The following PEX5L variants were observed in gnomAD, a reference collection of about 807,000 sequenced individuals.
PEX5L encodes the protein PEX5-related protein.
PEX5L carries 30 observed loss-of-function variants against 84.0 expected under a neutral mutation model. The ratio of observed to expected loss-of-function variants is 0.36; its 90% CI spans 0.27 to 0.48. The LOEUF (loss-of-function observed/expected upper bound fraction) is 0.48. Among genes scored for constraint, PEX5L ranks in the 20% least tolerant of loss-of-function variants. The pLI is 0.99. For synonymous variants in PEX5L, 270 were observed against 283.1 expected, an observed-to-expected ratio of 0.95 and a Z score of 0.46; for missense variants, 533 against 754.6, an observed-to-expected ratio of 0.71 and a Z score of 3.44.
At chr3:179,997,705 C>A (rs1788021360) in intron 1 of PEX5L, among the ~76,000 whole-genome samples, 1 of 152,208 alleles carries the variant, frequency 6.6e-6, no homozygotes, top group Non-Finnish European at 1.5e-5. Context: ...TAAGCTTAAC[C>A]AAGTGGTGAC....
intron 7 of PEX5L, among the ~76,000 whole-genome samples, chr3:179,866,574 T>C (rs1748239910): frequency 6.6e-6 from 1 of 152,182 alleles, no homozygotes; most frequent in Non-Finnish European, 1.5e-5. Context: ...ATTATCTTTC[T>C]GGTTAGTGCC....
chr3:179,823,527 G>A (rs1199295235), intron 8 of PEX5L, among the ~76,000 whole-genome samples: 2 of 152,104 alleles, frequency 1.3e-5, no homozygotes, highest in African/African-American at 2.4e-5. Flanking sequence ...AGTTTTTAAT[G>A]TACTTTTTAC....
intron 2 of PEX5L, among the ~76,000 whole-genome samples, chr3:179,961,474 G>C (rs1782024310): frequency 6.6e-6 from 1 of 152,094 alleles, no homozygotes; most frequent in Non-Finnish European, 1.5e-5. Flanking sequence ...GTGCTGAGCA[G>C]AGAAGAAAAG....
rs1718178430 is a variant in PEX5L, at chr3:179,799,326, T to C, written c.*2502A>G. The C allele has an allele frequency of 1.3e-5, 2 of 152,188 alleles. No individual in the cohort carries two copies. Among genetic ancestry groups the C allele is most frequent in the Non-Finnish European group, 2.9e-5 (2 of 68,026 alleles). 9.4% of individuals were successfully genotyped at this position (152,188 alleles called of 1,614,324 possible). A position where few individuals can be genotyped will look rare whatever the true frequency, so the allele number is the denominator to read the frequency against. On this transcript the variant is annotated 3_prime_UTR_variant, in exon 15 of 15. Coordinates refer to ENST00000467460, the MANE Select transcript of PEX5L (RefSeq NM_016559.3). Reference sequence around the variant, plus strand: ...TAATTCTGGACTTCTTGACAGCCTATAAAAATCTTAGATCTGACAGATACT... The same window carrying C: ...TAATTCTGGACTTCTTGACAGCCTACAAAAATCTTAGATCTGACAGATACT...
intron 1 of PEX5L, among the ~76,000 whole-genome samples, chr3:180,021,487 T>C (rs1033093808): frequency 2.0e-5 from 3 of 152,176 alleles, no homozygotes; most frequent in Admixed American, 1.3e-4. Context: ...ACGAGCATTC[T>C]AGACAATGAT....
intron 2 of PEX5L, among the ~76,000 whole-genome samples, chr3:179,916,836 A>G (rs1468668663): frequency 6.6e-6 from 1 of 151,726 alleles, no homozygotes; most frequent in Non-Finnish European, 1.5e-5. Flanking sequence ...CTCCCGGTGA[A>G]TTTTTGTATT....
At chr3:179,986,489 G>A (rs1035716994) in intron 1 of PEX5L, among the ~76,000 whole-genome samples, 3 of 142,974 alleles carry the variant, frequency 2.1e-5, no homozygotes, top group Non-Finnish European at 4.5e-5. Flanking sequence ...CGCAAGCTCC[G>A]CCTCCCGGGT....
chr3:179,880,636 C>T (rs1199320674), intron 4 of PEX5L, among the ~76,000 whole-genome samples: 2 of 151,910 alleles, frequency 1.3e-5, no homozygotes, highest in African/African-American at 4.8e-5. Flanking sequence ...TTGGGTTCAC[C>T]CAAGAGAGGT....
chr3:179,999,146 G>T (rs1788158676), intron 1 of PEX5L, among the ~76,000 whole-genome samples: 1 of 152,218 alleles, frequency 6.6e-6, no homozygotes, highest in South Asian at 2.1e-4. Flanking sequence ...GGATGGTCAG[G>T]CATTTGGAAG....
At chr3:179,896,427 G>A (rs1251828993) in intron 3 of PEX5L, among the ~76,000 whole-genome samples, 1 of 152,052 alleles carries the variant, frequency 6.6e-6, no homozygotes, top group Non-Finnish European at 1.5e-5. Context: ...ATTAGACAGG[G>A]ATTAAAGGAA....
At chr3:179,873,174 A>G (rs1004285937) in intron 7 of PEX5L, among the ~76,000 whole-genome samples, 2 of 152,212 alleles carry the variant, frequency 1.3e-5, no homozygotes, top group Non-Finnish European at 2.9e-5. Flanking sequence ...AAGTTTCTTC[A>G]GCTCACTGTA....
intron 1 of PEX5L, among the ~76,000 whole-genome samples, chr3:180,034,015 T>C (rs1418328565): frequency 6.6e-6 from 1 of 152,214 alleles, no homozygotes; most frequent in South Asian, 2.1e-4. Flanking sequence ...ATAAACCAGA[T>C]GAATTAGCCA....
At chr3:179,943,643 C>G (rs1040015056) in intron 2 of PEX5L, among the ~76,000 whole-genome samples, 4 of 152,180 alleles carry the variant, frequency 2.6e-5, no homozygotes, top group African/African-American at 9.7e-5. Flanking sequence ...TATTCCACCA[C>G]GTGGAGAATC....
intron 8 of PEX5L, among the ~76,000 whole-genome samples, chr3:179,846,543 G>A (rs1213571366): frequency 6.6e-6 from 1 of 152,178 alleles, no homozygotes; most frequent in Non-Finnish European, 1.5e-5. Context: ...GGGCCATGGA[G>A]TGCTGAGGTA....
rs918133692 is a variant in PEX5L at position 179,929,508 on chromosome 3, T to C, written c.94-31262A>G. Among the ~76,000 whole-genome samples, 3 of 148,880 alleles carry C rather than the reference T, an allele frequency of 2.0e-5. No individual in the cohort carries two copies. In the East Asian group the frequency reaches 5.9e-4, roughly 30 times the overall value. On this transcript the variant is annotated intron_variant, in intron 2 of 14. Coordinates refer to ENST00000467460, the MANE Select transcript of PEX5L (RefSeq NM_016559.3). ...GTTGCCATTTTTTTTTTTTTTTTGG[T>C]AAGTCAGAAGCTGTTAAATATTGGT...
intron 2 of PEX5L, among the ~76,000 whole-genome samples, chr3:179,930,186 G>A (rs537578068): frequency 5.3e-5 from 8 of 151,976 alleles, no homozygotes; most frequent in Non-Finnish European, 1.0e-4. Flanking sequence ...GATGCCTGCA[G>A]AAGTTTGAGA....
intron 1 of PEX5L, among the ~76,000 whole-genome samples, chr3:180,012,776 A>G (rs932773760): frequency 2.0e-5 from 3 of 152,126 alleles, no homozygotes; most frequent in Middle Eastern, 3.2e-3. Context: ...ACCTATGATA[A>G]TCCATTTTTA....
intron 8 of PEX5L, among the ~76,000 whole-genome samples, chr3:179,849,655 G>A (rs981826448): frequency 3.3e-5 from 5 of 152,210 alleles, no homozygotes; most frequent in African/African-American, 1.2e-4. Flanking sequence ...TCTTTGAAGA[G>A]AAAAGAGTAA....
chr3:179,934,182 T>C (rs1472086134), intron 2 of PEX5L, among the ~76,000 whole-genome samples: 1 of 152,132 alleles, frequency 6.6e-6, no homozygotes, highest in African/African-American at 2.4e-5. Context: ...TAGCTGCTAC[T>C]CTGGAGGATA....
Sources: allele counts gnomAD v4.1 joint callset (sites outside exome capture counted in the v4.1 genomes callset), GRCh38; gene constraint gnomAD v4.1.1; transcripts MANE v1.5; gene names NCBI Gene and HGNC (gene_info 2026-07-23, HGNC 2026-07-21).